CDCP2: variants seen among roughly 807,000 people sequenced by gnomAD.
The protein encoded by CDCP2 is CUB domain containing protein 2.
In CDCP2, 31 loss-of-function variants were observed where a neutral mutation model predicts 31.0. That is an observed-to-expected ratio of 1.00 (90% CI 0.75 to 1.35). The LOEUF (loss-of-function observed/expected upper bound fraction) is 1.35. Among genes scored for constraint, CDCP2 ranks in the 40% most tolerant of loss-of-function variants. The probability of loss-of-function intolerance (pLI) is 0.00; values close to 1 mark genes in which losing one functional copy is unlikely to be tolerated. For missense variants in CDCP2, 443 were observed against 482.6 expected (o/e 0.92, Z 0.77); for synonymous variants, 206 against 207.9 (o/e 0.99, Z 0.08).
chr1:54,150,287 T>C (rs1659558465), intron 1 of CDCP2, among the ~76,000 whole-genome samples: 1 of 152,204 alleles, frequency 6.6e-6, no homozygotes, highest in Admixed American at 6.5e-5. Flanking sequence ...ATCTGACTCT[T>C]TTAAATTTTT....
intron 1 of CDCP2, among the ~76,000 whole-genome samples, chr1:54,146,745 T>C (rs899419359): frequency 2.0e-5 from 3 of 151,776 alleles, no homozygotes; most frequent in African/African-American, 7.3e-5. Flanking sequence ...CTTGGTTATC[T>C]TGCCATGCCA....
In CDCP2 at chr1:54,152,757, T is replaced by C. The variant is rs988881276; in HGVS notation, c.79+87A>G. The stretch of plus-strand genomic sequence containing the variant: ...CTAAAAGGACCTCCTGCTTTCTGGC[T>C]TCCCATGTAGAAACTTCTTGAGCCC... On this transcript the variant is annotated intron_variant, in intron 1 of 5. Transcript: ENST00000530059. 8.7e-6 allele frequency: 11 copies of C among 1,258,834 alleles called. No homozygotes were observed. The Admixed American group carries it at 1.8e-4, about 21-fold the overall frequency. The allele number at this position is 1,258,834 out of a possible 1,614,324, so 78.0% of individuals were successfully genotyped here.
intron 1 of CDCP2, among the ~76,000 whole-genome samples, chr1:54,149,699 G>A (rs1289868608): frequency 6.6e-6 from 1 of 152,084 alleles, no homozygotes; most frequent in Non-Finnish European, 1.5e-5. Flanking sequence ...TTTACTTATT[G>A]ATTTGGTTCA....
At chr1:54,144,867 G>A in intron 1 of CDCP2, 54 bp from the exon 2 acceptor site, 6 of 1,425,510 alleles carry the variant, frequency 4.2e-6, no homozygotes, top group Non-Finnish European at 4.8e-6. Flanking sequence ...TTGGGTACAT[G>A]TGGTAAGGGC....
chr1:54,152,936 G>T (rs1364649600), upstream of CDCP2: 2 of 1,613,650 alleles, frequency 1.2e-6, no homozygotes, highest in South Asian at 1.1e-5. Flanking sequence ...CTCACCAGGG[G>T]CCCCCACAGG....
chr1:54,149,490 T>C (rs1428789798), intron 1 of CDCP2, among the ~76,000 whole-genome samples: 1 of 149,456 alleles, frequency 6.7e-6, no homozygotes, highest in African/African-American at 2.6e-5. Context: ...TATGATTTTC[T>C]GTGCTTTGCG....
At chr1:54,147,075 C>CAAAA (rs71066904) in intron 1 of CDCP2, among the ~76,000 whole-genome samples, 2 of 56,892 alleles carry the variant, frequency 3.5e-5, no homozygotes, top group Non-Finnish European at 5.9e-5. Context: ...GACTCCATCT[C>CAAAA]AAAAAAAAAA....
At chr1:54,146,731 T>C (rs1210137191) in intron 1 of CDCP2, among the ~76,000 whole-genome samples, 3 of 151,704 alleles carry the variant, frequency 2.0e-5, no homozygotes, top group Admixed American at 6.6e-5. Context: ...ATACACAAAA[T>C]ATACTTGGTT....
intron 4 of CDCP2, chr1:54,139,380 G>T: frequency 1.5e-6 from 1 of 665,858 alleles, no homozygotes; most frequent in East Asian, 2.7e-5. Context: ...CATCCCCACA[G>T]TTATACCAAT....
At chr1:54,151,620 T>C (rs1477937118) in intron 1 of CDCP2, among the ~76,000 whole-genome samples, 1 of 152,158 alleles carries the variant, frequency 6.6e-6, no homozygotes, top group African/African-American at 2.4e-5. Context: ...AGGCATGGGT[T>C]GAGATGCTTG....
chr1:54,152,802 C>A, intron 1 of CDCP2, 42 bp downstream of exon 1: 1 of 1,570,714 alleles, frequency 6.4e-7, no homozygotes, highest in East Asian at 2.3e-5. Context: ...GCCTGCCCAC[C>A]TCCTTCCCCT....
At chr1:54,133,698 C>T (rs1006196651) in intron 5 of CDCP2, among the ~76,000 whole-genome samples, 2 of 152,096 alleles carry the variant, frequency 1.3e-5, no homozygotes, top group South Asian at 2.1e-4. Context: ...AGATCGAGAC[C>T]ATCCTGACTA....
rs772742568 is a variant in CDCP2, at chr1:54,139,649, G to GGC, written c.1117+103_1117+104insGC. The GGC allele has an allele frequency of 7.4e-6, 12 of 1,613,360 alleles. No homozygotes were observed. The African/African-American group carries it at 1.5e-4, about 20-fold the overall frequency. On this transcript the variant is annotated intron_variant, in intron 4 of 5. Transcript: ENST00000530059. Reference sequence around the variant, plus strand: ...GGAGCTGGAGAAGACCATTCATGGGGGGGGCAGGACAAACTGGTGGGATGG... The same window carrying GGC: ...GGAGCTGGAGAAGACCATTCATGGGGGCGGGGCAGGACAAACTGGTGGGATGG...
rs3841798 is a variant in CDCP2, at chr1:54,139,645, TG to T, written c.1117+107del. Reference sequence around the variant, plus strand: ...AGAAGGAGCTGGAGAAGACCATTCATGGGGGGGGCAGGACAAACTGGTGGGA... The same window carrying T: ...AGAAGGAGCTGGAGAAGACCATTCATGGGGGGGCAGGACAAACTGGTGGGA... On this transcript the variant is annotated intron_variant, in intron 4 of 5. Transcript: ENST00000530059. The T allele has an allele frequency of 1.8e-3, 2,739 of 1,534,560 alleles. 35 individuals are homozygous for T. The African/African-American group carries it at 0.034, about 19-fold the overall frequency.
chr1:54,138,982 T>C (rs1171288388), intron 4 of CDCP2: 1 of 155,340 alleles, frequency 6.4e-6, no homozygotes, highest in Admixed American at 6.2e-5. Flanking sequence ...ATCTAAACAA[T>C]AATATGGAGC....
intron 5 of CDCP2, 143 bp downstream of exon 5, chr1:54,136,483 GGTAA>G (rs943805976): frequency 6.5e-5 from 26 of 397,594 alleles, no homozygotes; most frequent in African/African-American, 5.3e-4. Context: ...AATTGGTTGA[GGTAA>G]GTAAAGCCAA....
At chr1:54,140,936 T>C in intron 3 of CDCP2, 162 bp downstream of exon 3, 1 of 526,682 alleles carries the variant, frequency 1.9e-6, no homozygotes, top group Non-Finnish European at 3.3e-6. Flanking sequence ...CATGCTTATG[T>C]CTTGGCATAG....
At chr1:54,150,043 G>A (rs930191603) in intron 1 of CDCP2, among the ~76,000 whole-genome samples, 6 of 152,206 alleles carry the variant, frequency 3.9e-5, no homozygotes, top group Admixed American at 2.6e-4. Context: ...TTGCCTCCAT[G>A]TGGTAACCCT....
intron 5 of CDCP2, among the ~76,000 whole-genome samples, chr1:54,134,589 T>C (rs1191088569): frequency 6.6e-6 from 1 of 152,164 alleles, no homozygotes; most frequent in African/African-American, 2.4e-5. Flanking sequence ...AGGACGCTTC[T>C]AAAAATCAAA....
Sources: gnomAD v4.1 joint callset for allele counts (sites outside exome capture counted in the v4.1 genomes callset) on GRCh38, gnomAD v4.1.1 for gene constraint, MANE v1.5 for transcripts, NCBI Gene and HGNC (gene_info 2026-07-23, HGNC 2026-07-21) for gene names.